PM20D1: variants seen among roughly 807,000 people sequenced by gnomAD.
PM20D1 encodes N-fatty-acyl-amino acid synthase/hydrolase PM20D1.
Under a neutral mutation model 53.8 loss-of-function variants are expected in PM20D1, and 53 were observed. The observed-to-expected ratio is 0.98, with a 90% CI of 0.79 to 1.24. The LOEUF is 1.24. Ranked by LOEUF, PM20D1 falls within the 50% of genes most tolerant of loss-of-function variation. The probability of loss-of-function intolerance (pLI) is 0.00; values close to 1 mark genes in which losing one functional copy is unlikely to be tolerated. For synonymous variants in PM20D1, 239 were observed against 241.3 expected, an observed-to-expected ratio of 0.99 and a Z score of 0.09; for missense variants, 564 against 616.8, an observed-to-expected ratio of 0.91 and a Z score of 0.91.
Position 205,830,380 on chromosome 1 carries a change from C to G in PM20D1, c.1286-1G>C. ...CTGTCTGTGTTGCCAATAGAAGTAA[C>G]TAGAGAGGGAAGATCAACAGGAAAG... On this transcript the variant is annotated splice_acceptor_variant, in intron 11 of 12. Coordinates refer to ENST00000367136, the MANE Select transcript of PM20D1 (RefSeq NM_152491.5). LOFTEE classifies it high-confidence loss of function. 1 of 1,595,786 alleles carries G rather than the reference C, an allele frequency of 6.3e-7. No individual in the cohort carries two copies. The highest frequency in any genetic ancestry group is 8.6e-7 in the Non-Finnish European group (1 of 1,163,400).
At position 205,845,571 on chromosome 1, in the gene PM20D1, G is replaced by C; in HGVS notation, c.257-14C>G. The C allele has an allele frequency of 6.2e-7, 1 of 1,603,298 alleles. No homozygotes were observed. Among genetic ancestry groups the C allele is most frequent in the African/African-American group, 1.3e-5 (1 of 74,804 alleles). On this transcript the variant is annotated splice_polypyrimidine_tract_variant and intron_variant, in intron 2 of 12. Transcript: ENST00000367136. ...CTGTAGGAAAGACTAGAAGCAAAAA[G>C]GGCAGGAAGAGAGAACCAGGGTTAA...
Position 205,828,455 on chromosome 1 carries a change from T to C in PM20D1, c.*165A>G, listed in dbSNP as rs1193572671. ...GGAGAAGCCAGATTTCTGCTGACTTTACCTTACCCCGGCCTTGTTCTTGGG... is the reference window on the plus strand; with the variant it reads ...GGAGAAGCCAGATTTCTGCTGACTTCACCTTACCCCGGCCTTGTTCTTGGG... On this transcript the variant is annotated 3_prime_UTR_variant, in exon 13 of 13. Coordinates refer to ENST00000367136, the MANE Select transcript of PM20D1 (RefSeq NM_152491.5). 2.4e-5 allele frequency: 24 copies of C among 1,017,612 alleles called. No individual in the cohort carries two copies. Among genetic ancestry groups the C allele is most frequent in the Non-Finnish European group, 3.2e-5 (23 of 730,148 alleles). 63.0% of individuals were successfully genotyped at this position (1,017,612 alleles called of 1,614,324 possible). A position where few individuals can be genotyped will look rare whatever the true frequency, so the allele number is the denominator to read the frequency against.
chr1:205,844,111 G>A lies in PM20D1; in HGVS notation c.683C>T (p.Pro228Leu). ...CAAGGCGATGGGCTTCTTGAAGTTA[G>A]GAATGAAATCATCCAAGATGAAGCC... ...EGGFILDDFIPNFKKPIALIA... is the reference protein window; with the variant it reads ...EGGFILDDFILNFKKPIALIA... The change falls in exon 5 of 13, where the codon CCT (proline) becomes CTT (leucine). Residue 228 changes from proline (P) to leucine (L), a missense_variant. By Grantham distance (98) the Pro-to-Leu change is moderately conservative. Transcript: ENST00000367136. The A allele has an allele frequency of 1.2e-6, 2 of 1,613,494 alleles. No homozygotes were observed. The highest frequency in any genetic ancestry group is 1.7e-6 in the Non-Finnish European group (2 of 1,179,796).
chr1:205,832,552 G>A (rs756511271), intron 11 of PM20D1, 46 bp downstream of exon 11: 2 of 1,602,526 alleles, frequency 1.2e-6, no homozygotes, highest in Admixed American at 1.7e-5. Flanking sequence ...ATAGGAAACA[G>A]TTCCAGCCCC....
At chr1:205,835,158 C>G (rs1464142676) in intron 10 of PM20D1, among the ~76,000 whole-genome samples, 1 of 152,088 alleles carries the variant, frequency 6.6e-6, no homozygotes, top group African/African-American at 2.4e-5. Context: ...CTGAGATGGA[C>G]TCCTTAGTGG....
chr1:205,839,438 T>C (rs959947907), intron 10 of PM20D1, among the ~76,000 whole-genome samples: 3 of 152,194 alleles, frequency 2.0e-5, no homozygotes, highest in Non-Finnish European at 2.9e-5. Flanking sequence ...AGATATATAA[T>C]CTTGGGTATG....
intron 1 of PM20D1, among the ~76,000 whole-genome samples, chr1:205,849,244 T>C (rs57904872): frequency 0.27 from 40,375 of 152,102 alleles, 5,477 homozygotes; most frequent in South Asian, 0.4. Context: ...GAAACTTTCC[T>C]GTTTCCTGGA....
intron 2 of PM20D1, among the ~76,000 whole-genome samples, chr1:205,846,740 C>A (rs1277930352): frequency 6.6e-6 from 1 of 151,872 alleles, no homozygotes. Context: ...ATTCAAGCGA[C>A]CTTAGCTACA....
At chr1:205,829,117 A>G (rs1656503464) in intron 12 of PM20D1, among the ~76,000 whole-genome samples, 1 of 152,142 alleles carries the variant, frequency 6.6e-6, no homozygotes, top group African/African-American at 2.4e-5. Flanking sequence ...TGCAGCCTCA[A>G]CCTTCTGGGT....
intron 4 of PM20D1, among the ~76,000 whole-genome samples, 163 bp from the exon 5 acceptor site, chr1:205,844,380 T>C (rs1161731596): frequency 6.6e-6 from 1 of 152,214 alleles, no homozygotes; most frequent in East Asian, 1.9e-4. Flanking sequence ...TACAGAATTC[T>C]GGAATGTCAG....
At chr1:205,846,136 A>C (rs1656952478) in intron 2 of PM20D1, among the ~76,000 whole-genome samples, 1 of 151,792 alleles carries the variant, frequency 6.6e-6, no homozygotes, top group East Asian at 1.9e-4. Context: ...CCTGTAACCC[A>C]GCACTTTGGG....
At chr1:205,833,166 A>G (rs539786915) in intron 10 of PM20D1, among the ~76,000 whole-genome samples, 1 of 152,362 alleles carries the variant, frequency 6.6e-6, no homozygotes, top group East Asian at 1.9e-4. Flanking sequence ...ATTCTTACGA[A>G]AAGCACCATT....
chr1:205,843,175 C>T (rs72750998), intron 6 of PM20D1, among the ~76,000 whole-genome samples: 3,590 of 152,276 alleles, frequency 0.024, 52 homozygotes, highest in Non-Finnish European at 0.037. Flanking sequence ...TTTTTGTCCT[C>T]CTGCCAGGAC....
In PM20D1 at chr1:205,828,612, C is replaced by A. The variant is rs1230159664; in HGVS notation, c.*8G>T. 2 of 1,614,066 alleles carry A rather than the reference C, an allele frequency of 1.2e-6. No homozygotes were observed. The highest frequency in any genetic ancestry group is 1.7e-6 in the Non-Finnish European group (2 of 1,179,986). On this transcript the variant is annotated 3_prime_UTR_variant, in exon 13 of 13. Transcript: ENST00000367136. ...TCGGGCATGCCTAACCCAGCAGGCC[C>A]CTTGACCTCACAGTTTGTGCAGGTG...
At position 205,828,858 on chromosome 1, in the gene PM20D1, C is replaced by T. The variant is rs1656498747; in HGVS notation, c.1386-115G>A. The T allele has an allele frequency of 7.3e-6, 10 of 1,378,858 alleles. 1 individual carries two copies. In the South Asian group the frequency reaches 1.4e-4, roughly 19 times the overall value. The allele number at this position is 1,378,858 out of a possible 1,614,324, so 85.4% of individuals were successfully genotyped here. A position where few individuals can be genotyped will look rare whatever the true frequency, so the allele number is the denominator to read the frequency against. Reference sequence around the variant, plus strand: ...CACCAACCCGGAAACTACTGGCCCTCCAGGGCTAGGAAAGAGAGGGGCAAG... The same window carrying T: ...CACCAACCCGGAAACTACTGGCCCTTCAGGGCTAGGAAAGAGAGGGGCAAG... On this transcript the variant is annotated intron_variant, in intron 12 of 12. Coordinates refer to ENST00000367136, the MANE Select transcript of PM20D1 (RefSeq NM_152491.5).
At chr1:205,830,006 C>A in intron 12 of PM20D1, 1 of 344,816 alleles carries the variant, frequency 2.9e-6, no homozygotes, top group Non-Finnish European at 5.4e-6. Flanking sequence ...GGGATTAGCA[C>A]CCAAGGGTAC....
intron 3 of PM20D1, 32 bp from the exon 4 acceptor site, chr1:205,844,929 A>G: frequency 6.3e-7 from 1 of 1,588,230 alleles, no homozygotes; most frequent in Non-Finnish European, 8.6e-7. Flanking sequence ...GAAGAGGAAA[A>G]AGACGTTATT....
At chr1:205,839,745 A>G (rs114984342) in intron 10 of PM20D1, among the ~76,000 whole-genome samples, 3,682 of 152,002 alleles carry the variant, frequency 0.024, 66 homozygotes, top group Non-Finnish European at 0.038. Context: ...AATACAAAAT[A>G]CTGAAAATAC....
chr1:205,840,727 C>G (rs1656787639), intron 9 of PM20D1, among the ~76,000 whole-genome samples: 1 of 152,224 alleles, frequency 6.6e-6, no homozygotes, highest in Non-Finnish European at 1.5e-5. Context: ...GATGGGGCAG[C>G]CAGAGCCTCT....
Sources: allele counts gnomAD v4.1 joint callset (sites outside exome capture counted in the v4.1 genomes callset), GRCh38; gene constraint gnomAD v4.1.1; transcripts MANE v1.5; gene names NCBI Gene and HGNC (gene_info 2026-07-23, HGNC 2026-07-21).